NAALADL2: variants seen among roughly 807,000 people sequenced by gnomAD.
NAALADL2 encodes N-acetylated alpha-linked acidic dipeptidase like 2, also known as inactive N-acetylated-alpha-linked acidic dipeptidase-like protein 2.
Under a neutral mutation model 87.2 loss-of-function variants are expected in NAALADL2, and 76 were observed. The ratio of observed to expected loss-of-function variants is 0.87; its 90% CI spans 0.72 to 1.05. The LOEUF (loss-of-function observed/expected upper bound fraction) is 1.05. Ranked by LOEUF, NAALADL2 falls within the 50% of genes least tolerant of loss-of-function variation. The probability of loss-of-function intolerance (pLI) is 0.00; values close to 1 mark genes in which losing one functional copy is unlikely to be tolerated. For synonymous variants in NAALADL2, 354 were observed against 331.0 expected, an observed-to-expected ratio of 1.07 and a Z score of -0.75; for missense variants, 1,089 against 945.8, an observed-to-expected ratio of 1.15 and a Z score of -1.99.
At chr3:174,496,294 T>C (rs1718532336) in intron 1 of NAALADL2, among the ~76,000 whole-genome samples, 1 of 152,126 alleles carries the variant, frequency 6.6e-6, no homozygotes, top group African/African-American at 2.4e-5. Flanking sequence ...AAATGTAACT[T>C]CCATTAGTAT....
chr3:175,453,309 T>G (rs1721848255), intron 6 of NAALADL2, among the ~76,000 whole-genome samples: 1 of 152,182 alleles, frequency 6.6e-6, no homozygotes, highest in Non-Finnish European at 1.5e-5. Context: ...AACAAAAACT[T>G]GCACGGATTC....
chr3:174,869,383 G>A (rs1727527918), intron 1 of NAALADL2, among the ~76,000 whole-genome samples: 1 of 152,134 alleles, frequency 6.6e-6, no homozygotes, highest in South Asian at 2.1e-4. Context: ...AATGGAAGCT[G>A]AAGTTCAGTG....
intron 3 of NAALADL2, among the ~76,000 whole-genome samples, chr3:175,254,764 A>C (rs958934732): frequency 2.6e-5 from 4 of 152,204 alleles, no homozygotes; most frequent in Admixed American, 2.6e-4. Flanking sequence ...ATATATCAAC[A>C]GTTATTTATA....
At chr3:174,832,193 G>A (rs1384099401) in intron 3 of NAALADL2, among the ~76,000 whole-genome samples, 1 of 151,986 alleles carries the variant, frequency 6.6e-6, no homozygotes, top group Admixed American at 6.6e-5. Flanking sequence ...TGTTTTAATT[G>A]TGATGTTAGG....
intron 2 of NAALADL2, among the ~76,000 whole-genome samples, chr3:174,641,033 C>T (rs969423869): frequency 3.3e-5 from 5 of 152,178 alleles, no homozygotes; most frequent in African/African-American, 1.2e-4. Flanking sequence ...AAAGGCAAAC[C>T]CAGGGGCTGG....
intron 6 of NAALADL2, among the ~76,000 whole-genome samples, chr3:175,462,739 G>A (rs534112725): frequency 2.0e-5 from 3 of 152,124 alleles, no homozygotes; most frequent in African/African-American, 7.2e-5. Flanking sequence ...CTTCCTGTTT[G>A]GTGTCTTTGC....
intron 2 of NAALADL2, among the ~76,000 whole-genome samples, chr3:174,692,860 T>G (rs900883998): frequency 1.8e-4 from 28 of 151,800 alleles, no homozygotes; most frequent in African/African-American, 6.3e-4. Context: ...TAAACAAGTT[T>G]TCATATTTTA....
chr3:175,748,507 G>T (rs905917781), intron 12 of NAALADL2, among the ~76,000 whole-genome samples: 6 of 152,138 alleles, frequency 3.9e-5, no homozygotes, highest in African/African-American at 1.4e-4. Flanking sequence ...CTATAAATCA[G>T]TGAAGTCTAA....
intron 13 of NAALADL2, among the ~76,000 whole-genome samples, chr3:175,775,456 A>G (rs1750095669): frequency 6.6e-6 from 1 of 152,102 alleles, no homozygotes; most frequent in African/African-American, 2.4e-5. Flanking sequence ...TGATTTCTCT[A>G]AAGCCTCATT....
Position 175,084,285 on chromosome 3 carries a change from A to AT in NAALADL2, c.44-12498dup, listed in dbSNP as rs543086616. Reference sequence around the variant, plus strand: ...AATACAGGCAGGTCTCAGCTGGCCTATTTTTTTGCTCCACATGGCATTGAC... The same window carrying AT: ...AATACAGGCAGGTCTCAGCTGGCCTATTTTTTTTGCTCCACATGGCATTGAC... On this transcript the variant is annotated intron_variant, in intron 1 of 13. Coordinates refer to ENST00000454872, the MANE Select transcript of NAALADL2 (RefSeq NM_207015.3). Among the ~76,000 whole-genome samples the AT allele has an allele frequency of 2.2e-3, 339 of 152,112 alleles. 2 individuals carry two copies. Among genetic ancestry groups the AT allele is most frequent in the African/African-American group, 7.6e-3 (317 of 41,508 alleles).
At chr3:174,894,447 A>G (rs1731240619) in intron 1 of NAALADL2, among the ~76,000 whole-genome samples, 1 of 151,686 alleles carries the variant, frequency 6.6e-6, no homozygotes, top group African/African-American at 2.4e-5. Flanking sequence ...AAAAAAAATT[A>G]ACTGGGCGTG....
chr3:175,350,791 A>G (rs888840408), intron 5 of NAALADL2, among the ~76,000 whole-genome samples: 5 of 152,156 alleles, frequency 3.3e-5, no homozygotes, highest in African/African-American at 9.7e-5. Flanking sequence ...AGTTAACTCA[A>G]TGGCCTCTGG....
At chr3:175,802,476 C>T (rs1224080157) in intron 13 of NAALADL2, among the ~76,000 whole-genome samples, 1 of 150,034 alleles carries the variant, frequency 6.7e-6, no homozygotes, top group African/African-American at 2.5e-5. Context: ...AAGGCAGCCA[C>T]CACAATAGAG....
At chr3:174,846,452 C>T (rs1724623340) in intron 3 of NAALADL2, among the ~76,000 whole-genome samples, 1 of 152,072 alleles carries the variant, frequency 6.6e-6, no homozygotes, top group African/African-American at 2.4e-5. Flanking sequence ...CAGTTATTTT[C>T]CTTGTTCTCT....
chr3:175,280,156 A>G (rs1754106834), intron 4 of NAALADL2, among the ~76,000 whole-genome samples: 1 of 151,952 alleles, frequency 6.6e-6, no homozygotes, highest in Non-Finnish European at 1.5e-5. Context: ...AAGATAAGGA[A>G]TTTCTGTTTC....
chr3:174,587,567 T>C (rs1578236581), intron 2 of NAALADL2, among the ~76,000 whole-genome samples: 1 of 152,188 alleles, frequency 6.6e-6, no homozygotes, highest in Non-Finnish European at 1.5e-5. Flanking sequence ...ATAAGGCCTG[T>C]CTGGTGGTGA....
intron 1 of NAALADL2, among the ~76,000 whole-genome samples, chr3:174,899,275 G>C (rs1214140562): frequency 6.6e-6 from 1 of 152,084 alleles, no homozygotes; most frequent in African/African-American, 2.4e-5. Flanking sequence ...GTAATATATA[G>C]AAAGAGAAAG....
chr3:174,486,104 G>T (rs577691785), intron 1 of NAALADL2, among the ~76,000 whole-genome samples: 4 of 152,120 alleles, frequency 2.6e-5, no homozygotes, highest in Admixed American at 2.6e-4. Context: ...GGGATAGGAT[G>T]CCTGGAGACA....
intron 2 of NAALADL2, among the ~76,000 whole-genome samples, chr3:174,672,672 A>G (rs1443424342): frequency 6.6e-6 from 1 of 152,052 alleles, no homozygotes; most frequent in Non-Finnish European, 1.5e-5. Flanking sequence ...GTCTAAGGGA[A>G]GTGATTTTTG....
Sources: gnomAD v4.1 joint callset for allele counts (sites outside exome capture counted in the v4.1 genomes callset) on GRCh38, gnomAD v4.1.1 for gene constraint, MANE v1.5 for transcripts, NCBI Gene and HGNC (gene_info 2026-07-23, HGNC 2026-07-21) for gene names.